Variants in MBOAT2 observed in about 807,000 individuals in gnomAD.
MBOAT2 encodes membrane bound glycerophospholipid O-acyltransferase 2.
In MBOAT2, 28 loss-of-function variants were observed where a neutral mutation model predicts 63.4. That is an observed-to-expected ratio of 0.44 (90% CI 0.33 to 0.61). The LOEUF (loss-of-function observed/expected upper bound fraction) is 0.61. Ranked by LOEUF, MBOAT2 falls within the 20% of genes least tolerant of loss-of-function variation. The probability of loss-of-function intolerance (pLI) is 0.03; values close to 1 mark genes in which losing one functional copy is unlikely to be tolerated. For synonymous variants in MBOAT2, 211 were observed against 215.6 expected, an observed-to-expected ratio of 0.98 and a Z score of 0.19; for missense variants, 470 against 605.8, an observed-to-expected ratio of 0.78 and a Z score of 2.35.
At chr2:8,975,207 C>T (rs1018604241) in intron 1 of MBOAT2, among the ~76,000 whole-genome samples, 16 of 152,158 alleles carry the variant, frequency 1.1e-4, no homozygotes, top group Non-Finnish European at 2.1e-4. Context: ...AAATCTGCCT[C>T]GTTTCCTCCT....
chr2:8,894,593 A>C (rs553291905), intron 4 of MBOAT2, among the ~76,000 whole-genome samples: 41 of 152,254 alleles, frequency 2.7e-4, no homozygotes, highest in Non-Finnish European at 5.1e-4. Context: ...AACGTGAATA[A>C]TACTTTCTAA....
chr2:8,963,469 A>G (rs771247079), intron 1 of MBOAT2, among the ~76,000 whole-genome samples: 2 of 151,940 alleles, frequency 1.3e-5, no homozygotes, highest in African/African-American at 4.8e-5. Flanking sequence ...ACGCCCGGCT[A>G]ATTTTTGTAT....
chr2:8,946,161 T>C (rs939163785), intron 2 of MBOAT2, among the ~76,000 whole-genome samples: 2 of 152,192 alleles, frequency 1.3e-5, no homozygotes, highest in Non-Finnish European at 2.9e-5. Context: ...ATGTTTTCTG[T>C]AGTTTTACAG....
chr2:8,988,484 ATAAC>A (rs1303188060), intron 1 of MBOAT2, among the ~76,000 whole-genome samples: 1 of 152,220 alleles, frequency 6.6e-6, no homozygotes, highest in Non-Finnish European at 1.5e-5. Flanking sequence ...ATACAATACT[ATAAC>A]TGAGACTAGG....
chr2:8,941,222 C>T (rs1229597524), intron 3 of MBOAT2, among the ~76,000 whole-genome samples: 1 of 152,104 alleles, frequency 6.6e-6, no homozygotes, highest in Non-Finnish European at 1.5e-5. Context: ...ACTGCCAATC[C>T]TAGCAATTTA....
chr2:8,955,598 A>AGTCT (rs1368788056), intron 2 of MBOAT2, among the ~76,000 whole-genome samples: 1 of 152,202 alleles, frequency 6.6e-6, no homozygotes, highest in Non-Finnish European at 1.5e-5. Flanking sequence ...GAACACTGAA[A>AGTCT]GTCTCTAATC....
intron 4 of MBOAT2, among the ~76,000 whole-genome samples, chr2:8,904,954 T>C (rs1665222370): frequency 6.6e-6 from 1 of 152,188 alleles, no homozygotes; most frequent in Non-Finnish European, 1.5e-5. Context: ...TATCTTTATC[T>C]AATCAACATT....
At chr2:8,893,162 G>A (rs896526346) in intron 4 of MBOAT2, among the ~76,000 whole-genome samples, 1 of 151,470 alleles carries the variant, frequency 6.6e-6, no homozygotes, top group African/African-American at 2.4e-5. Context: ...AGCACAGGAG[G>A]TCTGAAGTCA....
chr2:8,933,278 T>C (rs943443525), intron 3 of MBOAT2, among the ~76,000 whole-genome samples: 36 of 152,230 alleles, frequency 2.4e-4, no homozygotes, highest in Non-Finnish European at 4.4e-5. Context: ...TACCTAGTTA[T>C]GTTTCAGTAA....
At chr2:8,942,009 G>A (rs577600790) in intron 3 of MBOAT2, among the ~76,000 whole-genome samples, 297 of 152,248 alleles carry the variant, frequency 2.0e-3, no homozygotes, top group African/African-American at 6.7e-3. Flanking sequence ...AGAGGTACAA[G>A]TTTTTTAAAA....
chr2:8,874,066 C>A lies in MBOAT2; in HGVS notation c.691-766G>T, dbSNP rs939933852. Among the ~76,000 whole-genome samples, 3 of 152,164 alleles carry A rather than the reference C, an allele frequency of 2.0e-5. No individual in the cohort carries two copies. The East Asian group carries it at 5.8e-4, about 29-fold the overall frequency. On this transcript the variant is annotated intron_variant, in intron 7 of 12. Coordinates refer to ENST00000305997, the MANE Select transcript of MBOAT2 (RefSeq NM_138799.4). ...CCAGATGAAGTATGCAACAAAATAT[C>A]TGGATTTAGAAGTGCTCTATACAGT... is the stretch of plus-strand genomic sequence containing the variant.
chr2:8,978,152 C>T lies in MBOAT2; in HGVS notation c.76-19510G>A, dbSNP rs770003658. The stretch of plus-strand genomic sequence containing the variant: ...ACTCTGCCCTGAAAGACCAAGGCCC[C>T]TTCCACCTCTCCAGCCTCATCTCGC... On this transcript the variant is annotated intron_variant, in intron 1 of 12. Coordinates refer to ENST00000305997, the MANE Select transcript of MBOAT2 (RefSeq NM_138799.4). Among the ~76,000 whole-genome samples the T allele has an allele frequency of 2.0e-5, 3 of 152,110 alleles. No homozygotes were observed. The East Asian group carries it at 5.8e-4, about 29-fold the overall frequency.
At chr2:8,958,338 T>C (rs1179488628) in intron 2 of MBOAT2, among the ~76,000 whole-genome samples, 159 bp downstream of exon 2, 2 of 152,246 alleles carry the variant, frequency 1.3e-5, no homozygotes, top group Non-Finnish European at 2.9e-5. Flanking sequence ...CCATTCGTTA[T>C]TTTTTGTTTC....
intron 3 of MBOAT2, among the ~76,000 whole-genome samples, chr2:8,940,174 G>A (rs1222120517): frequency 1.3e-5 from 2 of 151,986 alleles, no homozygotes; most frequent in Non-Finnish European, 2.9e-5. Context: ...TCTTAACGGG[G>A]GATAGAAAAC....
intron 3 of MBOAT2, among the ~76,000 whole-genome samples, chr2:8,929,850 G>A (rs925015240): frequency 5.9e-5 from 9 of 152,150 alleles, no homozygotes; most frequent in African/African-American, 2.2e-4. Context: ...CCTGCATCAG[G>A]ACTTGGTCCT....
chr2:8,947,153 G>T (rs568521753), intron 2 of MBOAT2, among the ~76,000 whole-genome samples: 150 of 152,362 alleles, frequency 9.8e-4, no homozygotes, highest in African/African-American at 3.5e-3. Flanking sequence ...AAGTTTAATT[G>T]TCTGGACAGA....
rs1661044955 is a variant in MBOAT2 at position 8,855,838 on chromosome 2, T to C, written c.*2841A>G. 6.6e-6 allele frequency: 1 copy of C among 152,194 alleles called. No individual in the cohort carries two copies. Among genetic ancestry groups the C allele is most frequent in the South Asian group, 2.1e-4 (1 of 4,828 alleles). The allele number at this position is 152,194 out of a possible 1,614,324, so 9.4% of individuals were successfully genotyped here. Reference sequence around the variant, plus strand: ...GTATAAATATGATGTTGATTGATCATCTCTAGAGTGATTTCATGATACCTG... The same window carrying C: ...GTATAAATATGATGTTGATTGATCACCTCTAGAGTGATTTCATGATACCTG... On this transcript the variant is annotated 3_prime_UTR_variant, in exon 13 of 13. Coordinates refer to ENST00000305997, the MANE Select transcript of MBOAT2 (RefSeq NM_138799.4).
In MBOAT2 at chr2:8,855,038, G is replaced by A. The variant is rs1194939835; in HGVS notation, c.*3641C>T. 1 of 152,310 alleles carries A rather than the reference G, an allele frequency of 6.6e-6. No homozygotes were observed. Among genetic ancestry groups the A allele is most frequent in the South Asian group, 2.1e-4 (1 of 4,824 alleles). 9.4% of individuals were successfully genotyped at this position (152,310 alleles called of 1,614,324 possible). On this transcript the variant is annotated 3_prime_UTR_variant, in exon 13 of 13. Coordinates refer to ENST00000305997, the MANE Select transcript of MBOAT2 (RefSeq NM_138799.4). ...TCTTCAGCAGAGACTATTTCATTAT[G>A]AAACACTCATTGTAAGAGCTATTGC...
chr2:8,863,372 G>A (rs892843459), intron 10 of MBOAT2, among the ~76,000 whole-genome samples: 2 of 152,118 alleles, frequency 1.3e-5, no homozygotes, highest in African/African-American at 2.4e-5. Flanking sequence ...TCACCGTATC[G>A]TTATAGGGGC....
Sources: allele counts gnomAD v4.1 joint callset (sites outside exome capture counted in the v4.1 genomes callset), GRCh38; gene constraint gnomAD v4.1.1; transcripts MANE v1.5; gene names NCBI Gene and HGNC (gene_info 2026-07-23, HGNC 2026-07-21).